DCLRE1A: variants seen among roughly 807,000 people sequenced by gnomAD.
The protein encoded by DCLRE1A is DNA cross-link repair 1A.
DCLRE1A carries 64 observed loss-of-function variants against 91.9 expected under a neutral mutation model. That is an observed-to-expected ratio of 0.70 (90% CI 0.57 to 0.86). The LOEUF (loss-of-function observed/expected upper bound fraction) is 0.86, where lower values mean the gene tolerates loss of function less well. Among genes scored for constraint, DCLRE1A ranks in the 40% least tolerant of loss-of-function variants. The probability of loss-of-function intolerance (pLI) is 0.00; values close to 1 mark genes in which losing one functional copy is unlikely to be tolerated. For missense variants in DCLRE1A, 1,145 were observed against 1,213.3 expected (o/e 0.94, Z 0.84); for synonymous variants, 416 against 431.1 (o/e 0.96, Z 0.43).
In DCLRE1A at chr10:113,835,045, C is replaced by A; in HGVS notation, c.*107G>T. ...TGAGAAAATAAAGTATCTGAACAAT[C>A]TTCATGAGGTTTTTCCACACAAAGT... On this transcript the variant is annotated 3_prime_UTR_variant, in exon 9 of 9. Transcript: ENST00000361384. 8.8e-7 allele frequency: 1 copy of A among 1,139,876 alleles called. No individual in the cohort carries two copies. The highest frequency in any genetic ancestry group is 2.4e-5 in the East Asian group (1 of 41,410). 70.6% of individuals were successfully genotyped at this position (1,139,876 alleles called of 1,614,324 possible).
Position 113,845,870 on chromosome 10 carries a change from T to G in DCLRE1A, c.2260-67A>C, listed in dbSNP as rs1845530123. On this transcript the variant is annotated intron_variant, in intron 3 of 8. Coordinates refer to ENST00000361384, the MANE Select transcript of DCLRE1A (RefSeq NM_014881.5). ...TAAATATTTTATTTCATATCTAGTTTAGAACCATAGCATCTTAATAACATC... is the reference window on the plus strand; with the variant it reads ...TAAATATTTTATTTCATATCTAGTTGAGAACCATAGCATCTTAATAACATC... The G allele has an allele frequency of 2.4e-6, 3 of 1,246,170 alleles. No homozygotes were observed. The Admixed American group carries it at 5.1e-5, about 21-fold the overall frequency. The allele number at this position is 1,246,170 out of a possible 1,614,324, so 77.2% of individuals were successfully genotyped here. A position where few individuals can be genotyped will look rare whatever the true frequency, so the allele number is the denominator to read the frequency against.
rs777347303 is a variant in DCLRE1A at position 113,848,979 on chromosome 10, C to T, written c.2125+1G>A. On this transcript the variant is annotated splice_donor_variant, in intron 2 of 8. Coordinates refer to ENST00000361384, the MANE Select transcript of DCLRE1A (RefSeq NM_014881.5). LOFTEE classifies it high-confidence loss of function. ...TATCGAGTATTGACATTTCAACTTA[C>T]CAGGTATTTTCTTATAGAATGGACA... The T allele has an allele frequency of 6.2e-7, 1 of 1,607,040 alleles. No homozygotes were observed. Among genetic ancestry groups the T allele is most frequent in the Non-Finnish European group, 8.5e-7 (1 of 1,177,140 alleles).
intron 8 of DCLRE1A, among the ~76,000 whole-genome samples, chr10:113,835,529 T>C (rs570654461): frequency 6.6e-6 from 1 of 152,318 alleles, no homozygotes; most frequent in East Asian, 1.9e-4. Context: ...GGTTTGGCTC[T>C]GTGTCTCCAC....
intron 1 of DCLRE1A, 122 bp downstream of exon 1, chr10:113,852,601 C>T: frequency 1.1e-6 from 1 of 915,060 alleles, no homozygotes; most frequent in Non-Finnish European, 1.6e-6. Context: ...TATGGTGTTT[C>T]CCAGTGTCTC....
chr10:113,835,392 A>G, intron 8 of DCLRE1A, 80 bp from the exon 9 acceptor site: 1 of 1,405,518 alleles, frequency 7.1e-7, no homozygotes, highest in East Asian at 2.5e-5. Context: ...AAATAGAATA[A>G]AACAAAAGAG....
chr10:113,834,863 T>G lies in DCLRE1A; in HGVS notation c.*289A>C. 8.2e-6 allele frequency: 2 copies of G among 243,000 alleles called. 1 individual carries two copies. Among genetic ancestry groups the G allele is most frequent in the Non-Finnish European group, 1.6e-5 (2 of 128,280 alleles). The allele number at this position is 243,000 out of a possible 1,614,324, so 15.1% of individuals were successfully genotyped here. Reference sequence around the variant, plus strand: ...ATCATTAATCCTTTTGGTCCCTGAATCTGCCTTTGCTTCCTCTTCTAAGGC... The same window carrying G: ...ATCATTAATCCTTTTGGTCCCTGAAGCTGCCTTTGCTTCCTCTTCTAAGGC... On this transcript the variant is annotated 3_prime_UTR_variant, in exon 9 of 9. Coordinates refer to ENST00000361384, the MANE Select transcript of DCLRE1A (RefSeq NM_014881.5).
intron 4 of DCLRE1A, among the ~76,000 whole-genome samples, chr10:113,845,316 C>A (rs1300938100): frequency 1.3e-5 from 2 of 152,092 alleles, no homozygotes; most frequent in African/African-American, 2.4e-5. Context: ...CCTCTAGTAT[C>A]TGAATGGAAT....
At chr10:113,835,447 A>C in intron 8 of DCLRE1A, 135 bp from the exon 9 acceptor site, 1 of 792,106 alleles carries the variant, frequency 1.3e-6, no homozygotes. Flanking sequence ...TCAGTGCTTT[A>C]GTTCTGAAAA....
rs796808132 is a variant in DCLRE1A at position 113,849,382 on chromosome 10, G to T, written c.1723C>A (p.Leu575Ile). The change falls in exon 2 of 9, where the codon CTA becomes ATA. Residue 575 changes from leucine to isoleucine, a missense_variant. Coordinates refer to ENST00000361384, the MANE Select transcript of DCLRE1A (RefSeq NM_014881.5). Reference sequence around the variant, plus strand: ...ATCCCTTCTAATGCACTTTCCCCTAGCAATTTCTCTTCCTTTCTTTTGGGA... The same window carrying T: ...ATCCCTTCTAATGCACTTTCCCCTATCAATTTCTCTTCCTTTCTTTTGGGA... ...LPPKRKEEKL[L>I]GESALEGINL... is the part of the protein sequence containing the mutation. The T allele has an allele frequency of 6.2e-7, 1 of 1,613,672 alleles. No individual in the cohort carries two copies. The highest frequency in any genetic ancestry group is 8.5e-7 in the Non-Finnish European group (1 of 1,179,884).
rs1268372323 is a variant in DCLRE1A at position 113,848,985 on chromosome 10, A to G, written c.2120T>C (p.Ile707Thr). 1 of 1,609,370 alleles carries G rather than the reference A, an allele frequency of 6.2e-7. No homozygotes were observed. Among genetic ancestry groups the G allele is most frequent in the Non-Finnish European group, 8.5e-7 (1 of 1,178,214 alleles). ...GTATTGACATTTCAACTTACCAGGT[A>G]TTTTCTTATAGAATGGACATGTCTT... ...RKKTCPFYKKIPGTGFTVDAF... is the reference protein window; with the variant it reads ...RKKTCPFYKKTPGTGFTVDAF... Residue 707 changes from isoleucine (I) to threonine (T), a missense_variant, in exon 2 of 9, where the codon ATA becomes ACA. Coordinates refer to ENST00000361384, the MANE Select transcript of DCLRE1A (RefSeq NM_014881.5).
intron 1 of DCLRE1A, 28 bp from the exon 2 acceptor site, chr10:113,850,672 AC>A: frequency 6.6e-7 from 1 of 1,519,550 alleles, no homozygotes; most frequent in African/African-American, 1.4e-5. Context: ...AAAAAATATT[AC>A]ACGATCAAAG....
At position 113,835,294 on chromosome 10, in the gene DCLRE1A, TG is replaced by T. The variant is rs1225158536; in HGVS notation, c.2980del (p.His994ThrfsTer5). 6.2e-7 allele frequency: 1 copy of T among 1,605,448 alleles called. No homozygotes were observed. The highest frequency in any genetic ancestry group is 1.7e-5 in the Admixed American group (1 of 57,682). On this transcript the variant is annotated frameshift_variant, in exon 9 of 9. Coordinates refer to ENST00000361384, the MANE Select transcript of DCLRE1A (RefSeq NM_014881.5). LOFTEE classifies it high-confidence loss of function. Reference protein sequence around the residue: ...ISIYGIPYSEHSSYLEMKRFV... With the variant: ...ISIYGIPYSEXSSYLEMKRFV... ...GCGCTTCATTTCTAGGTAGCTGCTG[TG>T]TTCACTGTAAGGAATTCCTGTAACA...
chr10:113,852,773 G>A lies in DCLRE1A; in HGVS notation c.410C>T (p.Pro137Leu), dbSNP rs1332580668. ...CAAACATTCAAAAACATGCCATCGA[G>A]GTGTCTGCCCTATCAATGAGGAAAA... is the stretch of plus-strand genomic sequence containing the variant. ...MPFSSLIGQT[P>L]RWHVFECLDS... is the part of the protein sequence containing the mutation. The change falls in exon 1 of 9, where the codon CCT becomes CTT. Residue 137 changes from proline (P) to leucine (L), a missense_variant. Transcript: ENST00000361384. The A allele has an allele frequency of 6.2e-7, 1 of 1,614,172 alleles. No homozygotes were observed.
rs1845694670 is a variant in DCLRE1A at position 113,853,482 on chromosome 10, TC to T, written c.-301del. 2 of 241,838 alleles carry T rather than the reference TC, an allele frequency of 8.3e-6. No homozygotes were observed. Among genetic ancestry groups the T allele is most frequent in the Non-Finnish European group, 1.6e-5 (2 of 128,152 alleles). 15.0% of individuals were successfully genotyped at this position (241,838 alleles called of 1,614,324 possible). A position where few individuals can be genotyped will look rare whatever the true frequency, so the allele number is the denominator to read the frequency against. ...GGTGCTATTTCATTCAAATATCTTG[TC>T]CTTTTCCAGGGCTTGATTCATAAAA... On this transcript the variant is annotated 5_prime_UTR_variant, in exon 1 of 9. The change abolishes the stop of an existing upstream ORF in the 5' untranslated region. Coordinates refer to ENST00000361384, the MANE Select transcript of DCLRE1A (RefSeq NM_014881.5).
chr10:113,848,320 AT>A (rs1314579373), intron 2 of DCLRE1A, among the ~76,000 whole-genome samples: 2 of 152,222 alleles, frequency 1.3e-5, no homozygotes, highest in Non-Finnish European at 2.9e-5. Flanking sequence ...CTGTCTTTAA[AT>A]AAATAAATGA....
At chr10:113,852,227 T>A (rs1229732864) in intron 1 of DCLRE1A, among the ~76,000 whole-genome samples, 1 of 152,092 alleles carries the variant, frequency 6.6e-6, no homozygotes, top group Non-Finnish European at 1.5e-5. Flanking sequence ...TCCCGGCTAC[T>A]CGGGAAGCTG....
rs372189577 is a variant in DCLRE1A at position 113,837,568 on chromosome 10, A to G, written c.2821-365T>C. Reference sequence around the variant, plus strand: ...ATAATATCAACAATGGTAAACACCAATGCAAACATATCTCCATGCATATAC... The same window carrying G: ...ATAATATCAACAATGGTAAACACCAGTGCAAACATATCTCCATGCATATAC... On this transcript the variant is annotated intron_variant, in intron 7 of 8. Transcript: ENST00000361384. Among the ~76,000 whole-genome samples the G allele has an allele frequency of 9.8e-5, 15 of 152,328 alleles. No individual in the cohort carries two copies. In the East Asian group the frequency reaches 1.3e-3, roughly 14 times the overall value.
At chr10:113,843,990 T>A in intron 5 of DCLRE1A, 114 bp downstream of exon 5, 1 of 1,422,516 alleles carries the variant, frequency 7.0e-7, no homozygotes, top group South Asian at 1.5e-5. Context: ...AGCATCCCTC[T>A]GATAAAGAGC....
At chr10:113,841,618 C>A in intron 6 of DCLRE1A, 58 bp from the exon 7 acceptor site, 1 of 1,505,540 alleles carries the variant, frequency 6.6e-7, no homozygotes, top group Non-Finnish European at 8.9e-7. Context: ...AAAAAAGTTA[C>A]AGCTTAAGCA....
Sources: gnomAD v4.1 joint callset for allele counts (sites outside exome capture counted in the v4.1 genomes callset) on GRCh38, gnomAD v4.1.1 for gene constraint, MANE v1.5 for transcripts, NCBI Gene and HGNC (gene_info 2026-07-23, HGNC 2026-07-21) for gene names.